Variants in PLEKHA7 observed in about 807,000 individuals in gnomAD.
PLEKHA7 encodes the protein pleckstrin homology domain-containing family A member 7.
A neutral mutation model predicts 170.0 loss-of-function variants in PLEKHA7; 104 were observed. The observed-to-expected ratio is 0.61, with a 90% CI of 0.52 to 0.72. The LOEUF is 0.72. Ranked by LOEUF, PLEKHA7 falls within the 30% of genes least tolerant of loss-of-function variation. PLEKHA7 has a pLI of 0.00. For synonymous variants in PLEKHA7, 648 were observed against 660.8 expected (o/e 0.98, Z 0.30); for missense variants, 1,615 against 1,671.7 (o/e 0.97, Z 0.59).
intron 3 of PLEKHA7, among the ~76,000 whole-genome samples, chr11:17,007,802 G>A (rs990457049): frequency 2.6e-5 from 4 of 152,058 alleles, no homozygotes; most frequent in African/African-American, 9.7e-5. Context: ...TCAAATTCCT[G>A]AGCCCAAGCA....
rs191950541 is a variant in PLEKHA7, at chr11:16,875,253, C to T, written c.222-4071G>A. Reference sequence around the variant, plus strand: ...TACATTCATCATCTTATTTGCCCCTCCAAACTACCCAATGATGTAAGCAGG... The same window carrying T: ...TACATTCATCATCTTATTTGCCCCTTCAAACTACCCAATGATGTAAGCAGG... On this transcript the variant is annotated intron_variant, in intron 3 of 26. Coordinates refer to ENST00000531066, the MANE Select transcript of PLEKHA7 (RefSeq NM_001329630.2). Among the ~76,000 whole-genome samples the T allele has an allele frequency of 1.1e-3, 160 of 152,262 alleles. 3 individuals carry two copies. Among genetic ancestry groups the T allele is most frequent in the Middle Eastern group, 6.8e-3 (2 of 294 alleles).
Position 16,855,010 on chromosome 11 carries a change from T to C in PLEKHA7, c.418-17A>G, listed in dbSNP as rs1410973712. 6.2e-7 allele frequency: 1 copy of C among 1,608,072 alleles called. No individual in the cohort carries two copies. The highest frequency in any genetic ancestry group is 1.7e-5 in the Admixed American group (1 of 59,974). On this transcript the variant is annotated splice_polypyrimidine_tract_variant and intron_variant, in intron 5 of 26. Transcript: ENST00000531066. ...CTTTATGATCTATGAAAAAGCAGAC[T>C]GAACTTTAGCAACAGGGAATTTAAG...
Position 16,789,361 on chromosome 11 carries a change from A to G in PLEKHA7, c.3157-65T>C. 1 of 1,482,766 alleles carries G rather than the reference A, an allele frequency of 6.7e-7. No individual in the cohort carries two copies. The allele number at this position is 1,482,766 out of a possible 1,614,324, so 91.9% of individuals were successfully genotyped here. A position where few individuals can be genotyped will look rare whatever the true frequency, so the allele number is the denominator to read the frequency against. ...TGGGCTGGGCACGCAGAGGACAGCC[A>G]CCCTGCTGGCTGCATTCCCGTTGTC... On this transcript the variant is annotated intron_variant, in intron 22 of 26. Coordinates refer to ENST00000531066, the MANE Select transcript of PLEKHA7 (RefSeq NM_001329630.2). The surrounding 1 kb of genome is among the most constrained non-coding windows in gnomAD (Gnocchi z 4.6).
At chr11:16,806,587 C>T (rs1849006056) in intron 13 of PLEKHA7, among the ~76,000 whole-genome samples, 1 of 152,198 alleles carries the variant, frequency 6.6e-6, no homozygotes, top group Admixed American at 6.5e-5. Context: ...CTGCATCCTC[C>T]CCTGGAATGC....
intron 10 of PLEKHA7, among the ~76,000 whole-genome samples, chr11:16,820,949 T>G (rs935712135): frequency 6.6e-6 from 1 of 152,196 alleles, no homozygotes; most frequent in South Asian, 2.1e-4. Context: ...GGTTGAGGTA[T>G]AGACCCCATG....
chr11:16,906,176 T>C (rs190402389), intron 3 of PLEKHA7, among the ~76,000 whole-genome samples: 56 of 148,374 alleles, frequency 3.8e-4, no homozygotes, highest in Non-Finnish European at 7.3e-4. Context: ...AAAATGTAAC[T>C]GTGTTTGGAG....
At position 16,883,306 on chromosome 11, in the gene PLEKHA7, A is replaced by G. The variant is rs1205831411; in HGVS notation, c.222-12124T>C. ...CTTATTCATCAGTTATATAGAAATA[A>G]TCCTTGTTCACCAGGAAACACCCTA... On this transcript the variant is annotated intron_variant, in intron 3 of 26. Coordinates refer to ENST00000531066, the MANE Select transcript of PLEKHA7 (RefSeq NM_001329630.2). Among the ~76,000 whole-genome samples the G allele has an allele frequency of 9.2e-5, 14 of 152,314 alleles. 1 individual carries two copies. The South Asian group carries it at 2.5e-3, about 27-fold the overall frequency.
chr11:16,823,285 T>G (rs1311684436), intron 10 of PLEKHA7, among the ~76,000 whole-genome samples: 5 of 152,082 alleles, frequency 3.3e-5, no homozygotes, highest in Non-Finnish European at 7.4e-5. Flanking sequence ...GGATTATAGG[T>G]ATCAACCCCC....
At chr11:16,989,645 T>C (rs1015030717) in intron 3 of PLEKHA7, among the ~76,000 whole-genome samples, 2 of 152,240 alleles carry the variant, frequency 1.3e-5, no homozygotes, top group African/African-American at 4.8e-5. Context: ...GGACTGTGAA[T>C]TCCCTGAAGA....
intron 3 of PLEKHA7, among the ~76,000 whole-genome samples, chr11:16,895,419 C>A (rs1856937436): frequency 6.6e-6 from 1 of 152,208 alleles, no homozygotes; most frequent in Admixed American, 6.5e-5. Context: ...AGCACTTCCT[C>A]CTTTGGCAAC....
At chr11:16,855,363 C>G (rs531553114) in intron 5 of PLEKHA7, among the ~76,000 whole-genome samples, 1 of 152,302 alleles carries the variant, frequency 6.6e-6, no homozygotes, top group African/African-American at 2.4e-5. Context: ...CTGGGTTCAA[C>G]CCTCAGCACT....
chr11:16,807,211 T>A (rs1849051098), intron 13 of PLEKHA7: 1 of 984,834 alleles, frequency 1.0e-6, no homozygotes, highest in South Asian at 4.7e-5. Context: ...GATCAAAGGT[T>A]CATTATTTTT....
chr11:16,989,240 C>A (rs1382021957), intron 3 of PLEKHA7, among the ~76,000 whole-genome samples: 1 of 152,198 alleles, frequency 6.6e-6, no homozygotes, highest in Non-Finnish European at 1.5e-5. Flanking sequence ...TTCTCTTTAC[C>A]TTGTTAGAGT....
chr11:16,825,366 G>A (rs570717419), intron 10 of PLEKHA7, among the ~76,000 whole-genome samples: 220 of 152,348 alleles, frequency 1.4e-3, no homozygotes, highest in African/African-American at 5.1e-3. Flanking sequence ...CAATCCCTGG[G>A]GAGCTCTCTG....
At chr11:16,855,039 A>T (rs376841977) in intron 5 of PLEKHA7, 46 bp from the exon 6 acceptor site, 1 of 1,563,292 alleles carries the variant, frequency 6.4e-7, no homozygotes, top group Non-Finnish European at 8.8e-7. Context: ...ATTTAAGGTG[A>T]CACAAAAAAG....
chr11:16,813,020 T>C (rs1691121652), intron 13 of PLEKHA7, 93 bp downstream of exon 13: 1 of 1,037,972 alleles, frequency 9.6e-7, no homozygotes, highest in Non-Finnish European at 1.5e-6. Context: ...GGATAAGACC[T>C]GTCTGGCCTT....
chr11:16,881,397 A>G (rs955059744), intron 3 of PLEKHA7: 8 of 152,078 alleles, frequency 5.3e-5, no homozygotes, highest in African/African-American at 1.7e-4. Flanking sequence ...CTGTCTCTCA[A>G]TTTCGGTTCT....
intron 3 of PLEKHA7, among the ~76,000 whole-genome samples, chr11:16,899,768 T>C (rs907158269): frequency 6.6e-6 from 1 of 152,240 alleles, no homozygotes; most frequent in Admixed American, 6.5e-5. Flanking sequence ...GATAGCATTA[T>C]TTCCATTATA....
At chr11:17,007,605 A>G (rs10832719) in intron 3 of PLEKHA7, among the ~76,000 whole-genome samples, 93,499 of 145,982 alleles carry the variant, frequency 0.64, 30,380 homozygotes, top group East Asian at 0.96. Context: ...ACAGAGTCTC[A>G]TTCTGTCGCC....
Sources: gnomAD v4.1 joint callset for allele counts (sites outside exome capture counted in the v4.1 genomes callset) on GRCh38, gnomAD v4.1.1 for gene constraint, Gnocchi (gnomAD v3.1) non-coding constraint, MANE v1.5 for transcripts, NCBI Gene and HGNC (gene_info 2026-07-23, HGNC 2026-07-21) for gene names.